Variants in SLC8A3 observed in about 807,000 individuals in gnomAD.
SLC8A3 encodes the protein sodium/calcium exchanger 3.
In SLC8A3, 37 loss-of-function variants were observed where a neutral mutation model predicts 65.4. The observed-to-expected ratio is 0.57, with a 90% CI of 0.44 to 0.74. SLC8A3 has a LOEUF of 0.74. Ranked by LOEUF, SLC8A3 falls within the 30% of genes least tolerant of loss-of-function variation. The probability of loss-of-function intolerance (pLI) is 0.00; values close to 1 mark genes in which losing one functional copy is unlikely to be tolerated. For missense variants in SLC8A3, 1,112 were observed against 1,172.1 expected (o/e 0.95, Z 0.75); for synonymous variants, 461 against 444.5 (o/e 1.04, Z -0.47).
chr14:70,053,615 A>T (rs1026701193), intron 3 of SLC8A3, among the ~76,000 whole-genome samples: 3 of 152,226 alleles, frequency 2.0e-5, no homozygotes, highest in Non-Finnish European at 4.4e-5. Flanking sequence ...TGACATATAA[A>T]TGTACCTGTC....
intron 3 of SLC8A3, chr14:70,055,911 G>A (rs774578323): frequency 8.9e-7 from 1 of 1,128,424 alleles, no homozygotes; most frequent in Non-Finnish European, 1.3e-6. Flanking sequence ...GTTGCTGGCA[G>A]CATAAGGAAA....
At chr14:70,177,516 G>T (rs1319976955) in intron 1 of SLC8A3, among the ~76,000 whole-genome samples, 1 of 152,210 alleles carries the variant, frequency 6.6e-6, no homozygotes, top group Non-Finnish European at 1.5e-5. Context: ...CCAGCTGCAT[G>T]AACCAGCTAA....
intron 2 of SLC8A3, chr14:70,063,923 T>C (rs1385096803): frequency 6.3e-7 from 1 of 1,580,440 alleles, no homozygotes; most frequent in Non-Finnish European, 8.7e-7. Context: ...TGATGTGAAT[T>C]GTTTTGCTGT....
chr14:70,159,668 G>A (rs1006790579), intron 2 of SLC8A3, among the ~76,000 whole-genome samples: 2 of 152,308 alleles, frequency 1.3e-5, no homozygotes, highest in Non-Finnish European at 2.9e-5. Context: ...TTGAGTGGAT[G>A]AGGAAACTGG....
At chr14:70,169,254 T>G (rs78613642) in intron 1 of SLC8A3, among the ~76,000 whole-genome samples, 2,070 of 151,864 alleles carry the variant, frequency 0.014, 44 homozygotes, top group African/African-American at 0.046. Flanking sequence ...ATCAAAAGAG[T>G]TGATAAATGG....
intron 2 of SLC8A3, among the ~76,000 whole-genome samples, chr14:70,068,034 C>A (rs1238425499): frequency 9.9e-5 from 15 of 152,230 alleles, no homozygotes; most frequent in Admixed American, 9.8e-4. Context: ...CCTGGCTGAG[C>A]TGCTGCGGAA....
intron 2 of SLC8A3, among the ~76,000 whole-genome samples, chr14:70,117,491 A>T (rs1357341320): frequency 1.3e-5 from 2 of 152,242 alleles, no homozygotes; most frequent in African/African-American, 4.8e-5. Context: ...TTCATCTGAG[A>T]ATATGATTTC....
intron 1 of SLC8A3, among the ~76,000 whole-genome samples, chr14:70,187,598 A>C (rs1883388097): frequency 1.3e-5 from 1 of 77,218 alleles, no homozygotes; most frequent in Non-Finnish European, 2.6e-5. Context: ...CAGGGCTTTG[A>C]CTGTGTGTGT....
Position 70,148,556 on chromosome 14 carries a change from G to C in SLC8A3, c.1784+18083C>G, listed in dbSNP as rs1373908850. Among the ~76,000 whole-genome samples the C allele has an allele frequency of 2.0e-5, 3 of 152,168 alleles. No homozygotes were observed. The East Asian group carries it at 5.8e-4, about 29-fold the overall frequency. ...GTAACTGTGACCAGTAAAAACATGGGGGTGTGAGCCAGCCTTTTATCTCCT... is the reference window on the plus strand; with the variant it reads ...GTAACTGTGACCAGTAAAAACATGGCGGTGTGAGCCAGCCTTTTATCTCCT... On this transcript the variant is annotated intron_variant, in intron 2 of 6. Coordinates refer to ENST00000356921, the MANE Select transcript of SLC8A3 (RefSeq NM_182932.3).
intron 2 of SLC8A3, among the ~76,000 whole-genome samples, chr14:70,086,401 C>CTTTTTTTTTTTT (rs10605312): frequency 7.7e-5 from 9 of 116,132 alleles, no homozygotes; most frequent in South Asian, 3.0e-4. Context: ...TTTCTTTTTT[C>CTTTTTTTTTTTT]TTTTTTTTTT....
chr14:70,134,674 T>A (rs1279383764), intron 2 of SLC8A3, among the ~76,000 whole-genome samples: 3 of 152,206 alleles, frequency 2.0e-5, no homozygotes, highest in African/African-American at 7.2e-5. Context: ...TAGCATTTTC[T>A]TAGTCCTTTA....
chr14:70,144,867 A>G (rs1316559672), intron 2 of SLC8A3, among the ~76,000 whole-genome samples: 3 of 152,186 alleles, frequency 2.0e-5, no homozygotes, highest in African/African-American at 7.2e-5. Context: ...GAACTCCATG[A>G]ATTTCAGGCT....
intron 1 of SLC8A3, among the ~76,000 whole-genome samples, chr14:70,178,667 G>A (rs192037727): frequency 2.6e-5 from 4 of 152,340 alleles, no homozygotes; most frequent in Non-Finnish European, 2.9e-5. Context: ...GAAAGTATTG[G>A]TCGAGTACTT....
chr14:70,186,243 A>G (rs923543731), intron 1 of SLC8A3, among the ~76,000 whole-genome samples: 3 of 152,104 alleles, frequency 2.0e-5, no homozygotes, highest in Non-Finnish European at 2.9e-5. Flanking sequence ...CCCTTCCACC[A>G]TGATTGTAAA....
At position 70,084,874 on chromosome 14, in the gene SLC8A3, G is replaced by GACA. The variant is rs1594957551; in HGVS notation, c.1785-23936_1785-23935insTGT. ...TTGTTTGACATTGGACATGGGAGGT[G>GACA]TCAAGAATGTGATGGAAGAATGAGT... On this transcript the variant is annotated intron_variant, in intron 2 of 6. Transcript: ENST00000356921. 2.0e-5 allele frequency among the ~76,000 whole-genome samples: 3 copies of GACA among 152,176 alleles called. No individual in the cohort carries two copies. The East Asian group carries it at 5.8e-4, about 29-fold the overall frequency.
chr14:70,144,974 C>T (rs534642440), intron 2 of SLC8A3, among the ~76,000 whole-genome samples: 24 of 152,296 alleles, frequency 1.6e-4, no homozygotes, highest in Non-Finnish European at 3.4e-4. Context: ...TTACATTCAT[C>T]TTCATATGAC....
chr14:70,140,416 A>G (rs548855003), intron 2 of SLC8A3, among the ~76,000 whole-genome samples: 183 of 152,306 alleles, frequency 1.2e-3, no homozygotes, highest in African/African-American at 3.9e-3. Context: ...ACCAAAAGCC[A>G]CACAAGAAGG....
At chr14:70,164,946 A>G (rs149277068) in intron 2 of SLC8A3, among the ~76,000 whole-genome samples, 1 of 152,340 alleles carries the variant, frequency 6.6e-6, no homozygotes, top group Non-Finnish European at 1.5e-5. Flanking sequence ...ACGTTAACAA[A>G]TGATTATCCT....
At chr14:70,087,386 TG>T (rs1891512155) in intron 2 of SLC8A3, among the ~76,000 whole-genome samples, 1 of 152,220 alleles carries the variant, frequency 6.6e-6, no homozygotes, top group Non-Finnish European at 1.5e-5. Context: ...TGGCCGCTGA[TG>T]TACCTTATCT....
Sources: allele counts gnomAD v4.1 joint callset (sites outside exome capture counted in the v4.1 genomes callset), GRCh38; gene constraint gnomAD v4.1.1; transcripts MANE v1.5; gene names NCBI Gene and HGNC (gene_info 2026-07-23, HGNC 2026-07-21).